The following MYO7A variants were observed in gnomAD, a reference collection of about 807,000 sequenced individuals.
The protein encoded by MYO7A is myosin VIIA.
A neutral mutation model predicts 263.8 loss-of-function variants in MYO7A; 210 were observed. That is an observed-to-expected ratio of 0.80 (90% CI 0.71 to 0.89). The LOEUF is 0.89. MYO7A is among the 40% of genes least tolerant of loss of function. MYO7A has a pLI of 0.00. For missense variants in MYO7A, 2,820 were observed against 2,968.3 expected, an observed-to-expected ratio of 0.95 and a Z score of 1.16; for synonymous variants, 1,239 against 1,197.3, an observed-to-expected ratio of 1.03 and a Z score of -0.72.
intron 29 of MYO7A, 80 bp downstream of exon 29, chr11:77,190,219 T>C: frequency 1.5e-6 from 2 of 1,321,690 alleles, no homozygotes; most frequent in Non-Finnish European, 2.0e-6. Flanking sequence ...TCCAGTGCAC[T>C]CGAGTGCCCC....
At chr11:77,176,129 G>A (rs1158313698) in intron 18 of MYO7A, among the ~76,000 whole-genome samples, 1 of 152,200 alleles carries the variant, frequency 6.6e-6, no homozygotes, top group Non-Finnish European at 1.5e-5. Flanking sequence ...GGATGACAGG[G>A]CTCCTTCCTC....
At chr11:77,172,982 C>A in intron 16 of MYO7A, 97 bp downstream of exon 16, 1 of 1,440,842 alleles carries the variant, frequency 6.9e-7, no homozygotes, top group African/African-American at 1.4e-5. Context: ...GGATGTGAGA[C>A]TTTGTCCCTT....
chr11:77,195,356 C>G (rs1174125556), intron 32 of MYO7A, among the ~76,000 whole-genome samples: 1 of 152,108 alleles, frequency 6.6e-6, no homozygotes, highest in Non-Finnish European at 1.5e-5. Flanking sequence ...CCTGCCACCC[C>G]TCTGTCCCTC....
chr11:77,158,487 C>A (rs1555066115), intron 9 of MYO7A, 57 bp downstream of exon 9: 1 of 1,560,714 alleles, frequency 6.4e-7, no homozygotes, highest in South Asian at 1.2e-5. Flanking sequence ...AGTGCAGTGC[C>A]TTGCTGCCCA....
chr11:77,158,382 T>C lies in MYO7A; in HGVS notation c.955T>C (p.Ser319Pro), dbSNP rs782464855. Residue 319 changes from serine to proline, a missense_variant, in exon 9 of 49, where the codon TCG becomes CCG. Transcript: ENST00000409709. ...MFTDTENWEI[S>P]KLLAAILHLG... Reference sequence around the variant, plus strand: ...CACTGACACCGAGAACTGGGAGATCTCGAAGCTCCTGGCTGCCATCCTGCA... The same window carrying C: ...CACTGACACCGAGAACTGGGAGATCCCGAAGCTCCTGGCTGCCATCCTGCA... 1.2e-6 allele frequency: 2 copies of C among 1,613,060 alleles called. No individual in the cohort carries two copies. The highest frequency in any genetic ancestry group is 1.7e-6 in the Non-Finnish European group (2 of 1,179,784).
rs111534474 is a variant in MYO7A at position 77,192,165 on chromosome 11, C to G, written c.4039C>G (p.Arg1347Gly). Residue 1347 changes from arginine (R) to glycine (G), a missense_variant, in exon 31 of 49, where the codon CGC becomes GGC. Coordinates refer to ENST00000409709, the MANE Select transcript of MYO7A (RefSeq NM_000260.4). ...CAACGCCCCCTGGAGGCTCTTCTTC[C>G]GCAAAGAGGTCTTCACGCCCTGGCA... ...ERNAPWRLFFRKEVFTPWHSP... is the reference protein window; with the variant it reads ...ERNAPWRLFFGKEVFTPWHSP... The G allele has an allele frequency of 6.2e-7, 1 of 1,614,022 alleles. No homozygotes were observed. The highest frequency in any genetic ancestry group is 2.2e-5 in the East Asian group (1 of 44,888).
intron 15 of MYO7A, among the ~76,000 whole-genome samples, chr11:77,171,598 C>G (rs1004257434): frequency 6.6e-6 from 1 of 150,628 alleles, no homozygotes; most frequent in Non-Finnish European, 1.5e-5. Flanking sequence ...TTTGTCCCCC[C>G]AAATACCTCA....
chr11:77,205,711 T>C lies in MYO7A; in HGVS notation c.5636+94T>C, dbSNP rs1205915514. 4.6e-6 allele frequency: 7 copies of C among 1,525,728 alleles called. No individual in the cohort carries two copies. The East Asian group carries it at 9.2e-5, about 20-fold the overall frequency. 94.5% of individuals were successfully genotyped at this position (1,525,728 alleles called of 1,614,324 possible). On this transcript the variant is annotated intron_variant, in intron 40 of 48. Coordinates refer to ENST00000409709, the MANE Select transcript of MYO7A (RefSeq NM_000260.4). ...GAGCCCCTTGGGGATGAGGACCACA[T>C]AGCAGTTGGGCCCACCCCTGGGGTA...
intron 15 of MYO7A, among the ~76,000 whole-genome samples, chr11:77,169,978 A>C (rs1324841097): frequency 2.6e-5 from 4 of 152,202 alleles, no homozygotes; most frequent in Non-Finnish European, 5.9e-5. Context: ...CAGGAGGCTG[A>C]GACAGGAGGC....
rs756855583 is a variant in MYO7A, at chr11:77,205,635, G to A, written c.5636+18G>A. The A allele has an allele frequency of 4.9e-5, 79 of 1,612,594 alleles. No individual in the cohort carries two copies. The highest frequency in any genetic ancestry group is 1.0e-4 in the Admixed American group (6 of 59,938). ...GCCCTGAGGTACAGCGGCCACCAGGGGCAGGGACAGACACTGGGGCGGGCT... is the reference window on the plus strand; with the variant it reads ...GCCCTGAGGTACAGCGGCCACCAGGAGCAGGGACAGACACTGGGGCGGGCT... On this transcript the variant is annotated intron_variant, in intron 40 of 48. Transcript: ENST00000409709.
intron 30 of MYO7A, among the ~76,000 whole-genome samples, 176 bp from the exon 31 acceptor site, chr11:77,191,875 G>T (rs1247798310): frequency 6.6e-6 from 1 of 152,238 alleles, no homozygotes; most frequent in Non-Finnish European, 1.5e-5. Flanking sequence ...AGGCAATGGT[G>T]GGGGTGCGGC....
rs1199809314 is a variant in MYO7A at position 77,160,023 on chromosome 11, T to A, written c.1081-140T>A. The stretch of plus-strand genomic sequence containing the variant: ...CAGGTTTCCATGGCTAGGGAGGATT[T>A]GGCCGTGGGCCCTGGGGCAGGCGTG... On this transcript the variant is annotated intron_variant, in intron 10 of 48. Transcript: ENST00000409709. 1.2e-5 allele frequency: 16 copies of A among 1,313,192 alleles called. No homozygotes were observed. In the East Asian group the frequency reaches 3.9e-4, roughly 32 times the overall value. The allele number at this position is 1,313,192 out of a possible 1,614,324, so 81.3% of individuals were successfully genotyped here.
Position 77,181,966 on chromosome 11 carries a change from C to T in MYO7A, c.2920C>T (p.Arg974Trp), listed in dbSNP as rs782582076. Residue 974 changes from arginine to tryptophan, a missense_variant, in exon 24 of 49, where the codon CGG becomes TGG. By Grantham distance (101) the Arg-to-Trp change is moderately radical. Coordinates refer to ENST00000409709, the MANE Select transcript of MYO7A (RefSeq NM_000260.4). ...PSGFEDLERGRREMVEEDLDA... is the reference protein window; with the variant it reads ...PSGFEDLERGWREMVEEDLDA... ...TCTCCTTCAGGACCTGGAGCGAGGG[C>T]GGAGGGAGATGGTGGAGGAGGACCT... The T allele has an allele frequency of 3.2e-5, 51 of 1,612,848 alleles. No homozygotes were observed. The highest frequency in any genetic ancestry group is 2.9e-4 in the East Asian group (13 of 44,858).
chr11:77,142,768 G>T lies in MYO7A; in HGVS notation c.78G>T (p.Ala26=). 1.2e-6 allele frequency: 2 copies of T among 1,612,162 alleles called. No individual in the cohort carries two copies. Among genetic ancestry groups the T allele is most frequent in the South Asian group, 1.1e-5 (1 of 90,302 alleles). The change falls in exon 3 of 49, where the codon GCG becomes GCT. Residue 26 remains alanine, a synonymous_variant. Transcript: ENST00000409709. Reference sequence around the variant, plus strand: ...AGGAGTTCGACGTGCCCATCGGGGCGGTGGTGAAGCTCTGCGACTCTGGGC... The same window carrying T: ...AGGAGTTCGACGTGCCCATCGGGGCTGTGGTGAAGCTCTGCGACTCTGGGC... ...LGQEFDVPIG[A]VVKLCDSGQV...
intron 16 of MYO7A, 66 bp downstream of exon 16, chr11:77,172,951 A>G: frequency 6.7e-7 from 1 of 1,500,830 alleles, no homozygotes; most frequent in African/African-American, 1.4e-5. Context: ...TAGGTCAAGA[A>G]TAAGGTAGGG....
chr11:77,175,523 G>C (rs1954571142), intron 18 of MYO7A, 59 bp downstream of exon 18: 1 of 1,504,624 alleles, frequency 6.6e-7, no homozygotes. Flanking sequence ...CCATGATGTG[G>C]GCTGGGGTGC....
chr11:77,174,938 G>T (rs372052834), intron 17 of MYO7A, 24 bp downstream of exon 17: 1 of 1,602,364 alleles, frequency 6.2e-7, no homozygotes, highest in African/African-American at 1.3e-5. Context: ...TGCACAGAGG[G>T]CAGGAGGGGA....
chr11:77,141,751 T>C (rs1407210460), intron 2 of MYO7A, among the ~76,000 whole-genome samples: 1 of 152,198 alleles, frequency 6.6e-6, no homozygotes, highest in Non-Finnish European at 1.5e-5. Flanking sequence ...TTGTCACCCT[T>C]CAGGTGTCAG....
At chr11:77,173,605 G>A (rs1187842058) in intron 16 of MYO7A, among the ~76,000 whole-genome samples, 1 of 152,156 alleles carries the variant, frequency 6.6e-6, no homozygotes, top group Non-Finnish European at 1.5e-5. Context: ...CGCAGCACAG[G>A]CTCTGGGAGG....
Sources: gnomAD v4.1 joint callset for allele counts (sites outside exome capture counted in the v4.1 genomes callset) on GRCh38, gnomAD v4.1.1 for gene constraint, MANE v1.5 for transcripts, NCBI Gene and HGNC (gene_info 2026-07-23, HGNC 2026-07-21) for gene names.